Variants in MACROD1 observed in about 807,000 individuals in gnomAD.
MACROD1 encodes the protein ADP-ribose glycohydrolase MACROD1.
MACROD1 carries 31 observed loss-of-function variants against 41.4 expected under a neutral mutation model. The observed-to-expected ratio is 0.75, with a 90% CI of 0.56 to 1.01. The LOEUF is 1.01. Ranked by LOEUF, MACROD1 falls within the 50% of genes least tolerant of loss-of-function variation. The pLI is 0.00. For missense variants in MACROD1, 473 were observed against 460.0 expected (o/e 1.03, Z -0.26); for synonymous variants, 252 against 203.4 (o/e 1.24, Z -2.03).
At chr11:64,089,234 G>T (rs751078197) in intron 3 of MACROD1, among the ~76,000 whole-genome samples, 8 of 152,208 alleles carry the variant, frequency 5.3e-5, no homozygotes, top group Non-Finnish European at 1.2e-4. Context: ...GCGGAGGTGA[G>T]GGCCCCGGGC....
At chr11:64,142,111 G>A (rs545355163) in intron 3 of MACROD1, among the ~76,000 whole-genome samples, 1 of 152,344 alleles carries the variant, frequency 6.6e-6, no homozygotes, top group African/African-American at 2.4e-5. Flanking sequence ...AGCCCCTTCA[G>A]GCCTAGAGGG....
At chr11:64,153,648 AG>A (rs1384664293) in intron 1 of MACROD1, among the ~76,000 whole-genome samples, 1 of 152,122 alleles carries the variant, frequency 6.6e-6, no homozygotes, top group Non-Finnish European at 1.5e-5. Context: ...AACTCATGCA[AG>A]GGGCCCAGTC....
At chr11:64,071,308 C>T (rs1286352611) in intron 3 of MACROD1, among the ~76,000 whole-genome samples, 1 of 152,156 alleles carries the variant, frequency 6.6e-6, no homozygotes, top group Non-Finnish European at 1.5e-5. Context: ...CAGGTGCTCC[C>T]TGATTCCAGC....
intron 1 of MACROD1, among the ~76,000 whole-genome samples, chr11:64,155,047 G>A (rs999370764): frequency 6.6e-6 from 1 of 152,176 alleles, no homozygotes; most frequent in Admixed American, 6.5e-5. Context: ...ATCTTGACCT[G>A]TAGGTTCCAT....
intron 4 of MACROD1, among the ~76,000 whole-genome samples, chr11:64,009,985 G>C (rs1942974664): frequency 6.6e-6 from 1 of 152,128 alleles, no homozygotes; most frequent in Non-Finnish European, 1.5e-5. Context: ...ATGTTGGTTG[G>C]GTTGTTGCCT....
intron 3 of MACROD1, among the ~76,000 whole-genome samples, chr11:64,132,804 G>A (rs1945283904): frequency 1.3e-5 from 2 of 152,336 alleles, no homozygotes; most frequent in Non-Finnish European, 2.9e-5. Flanking sequence ...GGCCAGTGGT[G>A]CCAGGCGCCA....
intron 3 of MACROD1, chr11:64,118,574 T>C (rs1945039997): frequency 2.8e-6 from 1 of 360,040 alleles, no homozygotes; most frequent in African/African-American, 2.1e-5. Context: ...AAAATAATAT[T>C]GCAGGCAGGG....
intron 3 of MACROD1, among the ~76,000 whole-genome samples, chr11:64,134,536 G>A (rs1265314110): frequency 6.6e-6 from 1 of 152,204 alleles, no homozygotes; most frequent in Non-Finnish European, 1.5e-5. Context: ...TGTGAGCAGA[G>A]AGGAGCCCTG....
At chr11:64,109,380 T>C (rs1326355829) in intron 3 of MACROD1, among the ~76,000 whole-genome samples, 1 of 152,024 alleles carries the variant, frequency 6.6e-6, no homozygotes, top group Non-Finnish European at 1.5e-5. Flanking sequence ...GCTTCCCTAC[T>C]GCTCCCCCAG....
At chr11:64,085,574 G>A (rs1435618908) in intron 3 of MACROD1, among the ~76,000 whole-genome samples, 3 of 152,178 alleles carry the variant, frequency 2.0e-5, no homozygotes, top group Non-Finnish European at 2.9e-5. Flanking sequence ...CCGCCCGCCC[G>A]GGTCCACCCC....
chr11:64,148,756 C>T (rs1198925318), intron 3 of MACROD1: 3 of 985,640 alleles, frequency 3.0e-6, no homozygotes, highest in African/African-American at 1.7e-5. Flanking sequence ...CCGTTGCCAA[C>T]GACTTTTATT....
intron 3 of MACROD1, among the ~76,000 whole-genome samples, chr11:64,055,696 C>T (rs1943772203): frequency 6.6e-6 from 1 of 152,140 alleles, no homozygotes; most frequent in Non-Finnish European, 1.5e-5. Context: ...GATGGGTGGA[C>T]AGATGGATGG....
chr11:64,007,559 G>A (rs1055830845), intron 4 of MACROD1, among the ~76,000 whole-genome samples: 1 of 152,156 alleles, frequency 6.6e-6, no homozygotes, highest in African/African-American at 2.4e-5. Flanking sequence ...AGGACCTCCC[G>A]GGAGGTGCGA....
At position 64,036,031 on chromosome 11, in the gene MACROD1, G is replaced by T. The variant is rs1339150053; in HGVS notation, c.518-20750C>A. 1 of 151,146 alleles carries T rather than the reference G, an allele frequency of 6.6e-6. No homozygotes were observed. The highest frequency in any genetic ancestry group is 1.5e-5 in the Non-Finnish European group (1 of 67,712). The allele number at this position is 151,146 out of a possible 1,614,324, so 9.4% of individuals were successfully genotyped here. ...CACCGTGCTCTGCCGCGCGCCGGGG[G>T]CTCCTCTCCCGGGCCCCCCTGGGCG... On this transcript the variant is annotated intron_variant, in intron 3 of 10. Coordinates refer to ENST00000255681, the MANE Select transcript of MACROD1 (RefSeq NM_014067.4). This position sits in a 1 kb window ranked among gnomAD's most constrained non-coding sequence, Gnocchi z 5.6.
At chr11:64,057,036 G>A (rs2134426345) in intron 3 of MACROD1, among the ~76,000 whole-genome samples, 1 of 152,270 alleles carries the variant, frequency 6.6e-6, no homozygotes, top group South Asian at 2.1e-4. Flanking sequence ...AGCCTGCCCT[G>A]GGCTCCCAGG....
intron 3 of MACROD1, among the ~76,000 whole-genome samples, chr11:64,124,221 G>A (rs1485989424): frequency 6.6e-6 from 1 of 152,192 alleles, no homozygotes; most frequent in African/African-American, 2.4e-5. Context: ...AGCACCTATG[G>A]CTCGCCAGAG....
intron 3 of MACROD1, among the ~76,000 whole-genome samples, chr11:64,136,038 C>A (rs563580709): frequency 6.6e-6 from 1 of 152,346 alleles, no homozygotes; most frequent in South Asian, 2.1e-4. Context: ...CCGTCCTGCT[C>A]CCCGCCACGC....
chr11:64,083,995 G>A (rs1328065882), intron 3 of MACROD1, among the ~76,000 whole-genome samples: 3 of 64,516 alleles, frequency 4.7e-5, no homozygotes, highest in African/African-American at 1.3e-4. Context: ...ACTGGAACAC[G>A]TGCTGGGTTC....
intron 3 of MACROD1, among the ~76,000 whole-genome samples, chr11:64,098,402 C>T (rs2134548526): frequency 6.6e-6 from 1 of 152,354 alleles, no homozygotes; most frequent in South Asian, 2.1e-4. Flanking sequence ...AAATGTTCTT[C>T]CCGTCCCACT....
Sources: allele counts gnomAD v4.1 joint callset (sites outside exome capture counted in the v4.1 genomes callset), GRCh38; gene constraint gnomAD v4.1.1; non-coding constraint Gnocchi (gnomAD v3.1); transcripts MANE v1.5; gene names NCBI Gene and HGNC (gene_info 2026-07-23, HGNC 2026-07-21).